The following MYO18B variants were observed in gnomAD, a reference collection of about 807,000 sequenced individuals.
MYO18B encodes myosin XVIIIB, also known as unconventional myosin-XVIIIb.
In MYO18B, 204 loss-of-function variants were observed where a neutral mutation model predicts 273.0. The observed-to-expected ratio is 0.75, with a 90% CI of 0.67 to 0.84. MYO18B has a LOEUF of 0.84. MYO18B is among the 40% of genes least tolerant of loss of function. The pLI, the probability that MYO18B is intolerant of heterozygous loss-of-function variation, is 0.00. For missense variants in MYO18B, 3,212 were observed against 3,287.6 expected, an observed-to-expected ratio of 0.98 and a Z score of 0.56; for synonymous variants, 1,330 against 1,305.7, an observed-to-expected ratio of 1.02 and a Z score of -0.40.
intron 11 of MYO18B, among the ~76,000 whole-genome samples, chr22:25,793,995 G>A (rs1004809926): frequency 1.3e-5 from 2 of 151,622 alleles, no homozygotes; most frequent in African/African-American, 2.4e-5. Context: ...GTGCTGTGGC[G>A]CGATCTCGGC....
intron 11 of MYO18B, among the ~76,000 whole-genome samples, chr22:25,792,619 C>T (rs2087729211): frequency 6.6e-6 from 1 of 151,168 alleles, no homozygotes; most frequent in Non-Finnish European, 1.5e-5. Context: ...CTTAGCCTCC[C>T]TAGGAGCTGG....
chr22:25,809,473 G>A (rs2088635590), intron 12 of MYO18B, among the ~76,000 whole-genome samples: 1 of 152,110 alleles, frequency 6.6e-6, no homozygotes, highest in Admixed American at 6.6e-5. Context: ...TAGTTTATTT[G>A]TCTCTCACGA....
intron 39 of MYO18B, among the ~76,000 whole-genome samples, chr22:25,963,831 A>G (rs528046320): frequency 6.6e-6 from 1 of 152,002 alleles, no homozygotes; most frequent in Non-Finnish European, 1.5e-5. Flanking sequence ...ATGACAGCCC[A>G]TAATAAGCAC....
chr22:25,992,336 A>G (rs1444677561), intron 39 of MYO18B, 27 bp from the exon 40 acceptor site: 40 of 1,612,182 alleles, frequency 2.5e-5, no homozygotes, highest in Non-Finnish European at 3.4e-5. Flanking sequence ...CCCAAGGCCA[A>G]CGTGTGTTTG....
intron 37 of MYO18B, 68 bp downstream of exon 37, chr22:25,950,518 A>ATATGTGTGTGTGTG: frequency 1.7e-6 from 1 of 604,444 alleles, no homozygotes. Flanking sequence ...AACTAATAGG[A>ATATGTGTGTGTGTG]TGTGTGTGTG....
At chr22:26,023,133 C>T (rs1187142582) in intron 42 of MYO18B, among the ~76,000 whole-genome samples, 1 of 152,188 alleles carries the variant, frequency 6.6e-6, no homozygotes, top group Non-Finnish European at 1.5e-5. Flanking sequence ...TCACCACCGC[C>T]CTTCTGGGTC....
intron 4 of MYO18B, 33 bp downstream of exon 4, chr22:25,769,461 G>T (rs895327737): frequency 2.0e-6 from 3 of 1,473,338 alleles, no homozygotes; most frequent in South Asian, 1.4e-5. Context: ...AGCGGGAAGC[G>T]GCAGACAGGC....
At chr22:25,869,174 C>T (rs1489503443) in intron 22 of MYO18B, among the ~76,000 whole-genome samples, 6 of 151,964 alleles carry the variant, frequency 3.9e-5, no homozygotes, top group Non-Finnish European at 7.4e-5. Context: ...AGAGGCCGGG[C>T]GTGTTGGCTC....
intron 3 of MYO18B, among the ~76,000 whole-genome samples, chr22:25,766,443 C>A (rs1032094769): frequency 6.6e-6 from 1 of 152,114 alleles, no homozygotes; most frequent in Admixed American, 6.5e-5. Flanking sequence ...GAGAGAGACA[C>A]AAAAGCCAGA....
chr22:25,798,243 A>G, intron 12 of MYO18B, 146 bp downstream of exon 12: 2 of 1,113,760 alleles, frequency 1.8e-6, no homozygotes, highest in Non-Finnish European at 2.5e-6. Context: ...GGCTGCTGAA[A>G]CTAGGCGTCG....
chr22:26,018,161 G>C (rs1031733193), intron 42 of MYO18B, among the ~76,000 whole-genome samples: 2 of 152,006 alleles, frequency 1.3e-5, no homozygotes, highest in African/African-American at 4.8e-5. Context: ...CAGCTCGATG[G>C]ATTGGTTTGT....
At chr22:25,967,303 G>C (rs566720336) in intron 39 of MYO18B, among the ~76,000 whole-genome samples, 36 of 152,296 alleles carry the variant, frequency 2.4e-4, no homozygotes, top group African/African-American at 8.4e-4. Context: ...ATGAGATTAT[G>C]CTTCACTTAA....
At chr22:25,946,923 G>A (rs73883004) in intron 35 of MYO18B, among the ~76,000 whole-genome samples, 2,095 of 152,282 alleles carry the variant, frequency 0.014, 42 homozygotes, top group African/African-American at 0.044. Flanking sequence ...TATTGTCGAT[G>A]TATTATTTTG....
intron 10 of MYO18B, among the ~76,000 whole-genome samples, chr22:25,784,206 G>C (rs1044616759): frequency 1.3e-5 from 2 of 152,106 alleles, no homozygotes; most frequent in Non-Finnish European, 2.9e-5. Context: ...TTTGAATTGG[G>C]GCCCTGTCAT....
At chr22:26,044,874 A>T in the MYO18B span, among the ~76,000 whole-genome samples, 11 of 152,278 alleles carry the variant, frequency 7.2e-5, no homozygotes, top group Non-Finnish European at 1.5e-4. Context: ...GAGGAAATGC[A>T]TGGGTGAAGG....
At position 25,874,329 on chromosome 22, in the gene MYO18B, G is replaced by A. The variant is rs185152597; in HGVS notation, c.3995G>A (p.Arg1332Gln). Residue 1332 changes from arginine (R) to glutamine (Q), a missense_variant, in exon 23 of 44, where the codon CGA becomes CAA. Physicochemically the swap from Arg to Gln is conservative, Grantham distance 43. Coordinates refer to ENST00000335473, the MANE Select transcript of MYO18B (RefSeq NM_032608.7). ...GTGATCTCCAGGCTTGAGAAGCAGC[G>A]AGAGAAGCTGGTATCTCAGAGCATC... ...AGVISRLEKQREKLVSQSIVL... is the reference protein window; with the variant it reads ...AGVISRLEKQQEKLVSQSIVL... The A allele has an allele frequency of 5.6e-6, 9 of 1,613,944 alleles. No individual in the cohort carries two copies. The highest frequency in any genetic ancestry group is 3.3e-5 in the Admixed American group (2 of 60,018).
chr22:25,967,989 C>G (rs1043726880), intron 39 of MYO18B, among the ~76,000 whole-genome samples: 2 of 152,134 alleles, frequency 1.3e-5, no homozygotes, highest in Non-Finnish European at 2.9e-5. Flanking sequence ...CAGTTTTGAA[C>G]ATTTACCAGC....
At chr22:25,984,803 G>GA (rs59242717) in intron 39 of MYO18B, among the ~76,000 whole-genome samples, 30,559 of 143,468 alleles carry the variant, frequency 0.21, 3,409 homozygotes, top group African/African-American at 0.28. Context: ...CCATCTCTAA[G>GA]AAAAAAAAAA....
At chr22:25,957,414 A>C (rs2092866519) in intron 39 of MYO18B, among the ~76,000 whole-genome samples, 1 of 152,222 alleles carries the variant, frequency 6.6e-6, no homozygotes, top group South Asian at 2.1e-4. Flanking sequence ...AAAACCTTAA[A>C]GAGCTTGCAT....
Sources: gnomAD v4.1 joint callset for allele counts (sites outside exome capture counted in the v4.1 genomes callset) on GRCh38, gnomAD v4.1.1 for gene constraint, MANE v1.5 for transcripts, NCBI Gene and HGNC (gene_info 2026-07-23, HGNC 2026-07-21) for gene names.